The following GALNT18 variants were observed in gnomAD, a reference collection of about 807,000 sequenced individuals.
GALNT18 encodes the protein polypeptide N-acetylgalactosaminyltransferase 18.
A neutral mutation model predicts 69.5 loss-of-function variants in GALNT18; 44 were observed. The ratio of observed to expected loss-of-function variants is 0.63; its 90% confidence interval spans 0.50 to 0.81. The LOEUF (loss-of-function observed/expected upper bound fraction) is 0.81, where lower values mean the gene tolerates loss of function less well. Among genes scored for constraint, GALNT18 ranks in the 40% least tolerant of loss-of-function variants. The probability of loss-of-function intolerance (pLI) is 0.00; values close to 1 mark genes in which losing one functional copy is unlikely to be tolerated. For synonymous variants in GALNT18, 364 were observed against 318.2 expected, an observed-to-expected ratio of 1.14 and a Z score of -1.53; for missense variants, 715 against 810.0, an observed-to-expected ratio of 0.88 and a Z score of 1.42.
In GALNT18 at chr11:11,586,204, C is replaced by T. The variant is rs1236858735; in HGVS notation, c.235+35155G>A. Among the ~76,000 whole-genome samples the T allele has an allele frequency of 6.6e-6, 1 of 152,148 alleles. No individual in the cohort carries two copies. The highest frequency in any genetic ancestry group is 2.4e-5 in the African/African-American group (1 of 41,428). ...TTATAGCAGTCTGAATGGACTAAAA[C>T]AAATTGTACCAAGAGTCTGTAGTTC... On this transcript the variant is annotated intron_variant, in intron 1 of 10. Coordinates refer to ENST00000227756, the MANE Select transcript of GALNT18 (RefSeq NM_198516.3). This position sits in a 1 kb window ranked among gnomAD's most constrained non-coding sequence, Gnocchi z 4.1.
intron 9 of GALNT18, among the ~76,000 whole-genome samples, chr11:11,313,572 G>A (rs1168499409): frequency 6.6e-6 from 1 of 152,148 alleles, no homozygotes; most frequent in African/African-American, 2.4e-5. Flanking sequence ...CCCTGTGATG[G>A]CTTATTGTTC....
chr11:11,554,740 G>A (rs1858286832), intron 1 of GALNT18, among the ~76,000 whole-genome samples: 1 of 152,136 alleles, frequency 6.6e-6, no homozygotes, highest in South Asian at 2.1e-4. Context: ...TGGAAGAAGT[G>A]TGGCTGATTC....
chr11:11,427,911 C>T (rs763623823), intron 3 of GALNT18, among the ~76,000 whole-genome samples: 3 of 152,162 alleles, frequency 2.0e-5, no homozygotes, highest in Admixed American at 6.5e-5. Flanking sequence ...ATGTCCCCAT[C>T]GTGGCACATG....
rs1482582400 is a variant in GALNT18, at chr11:11,564,518, C to T, written c.235+56841G>A. ...CCCACGGCCCTATGCATTTTATCTG[C>T]CTTATTTGAGGGCTGAAAGAGTCAT... is the stretch of plus-strand genomic sequence containing the variant. On this transcript the variant is annotated intron_variant, in intron 1 of 10. Transcript: ENST00000227756. The surrounding 1 kb of genome is among the most constrained non-coding windows in gnomAD (Gnocchi z 4.3). 6.6e-6 allele frequency among the ~76,000 whole-genome samples: 1 copy of T among 152,176 alleles called. No homozygotes were observed. Among genetic ancestry groups the T allele is most frequent in the Admixed American group, 6.5e-5 (1 of 15,280 alleles).
intron 2 of GALNT18, among the ~76,000 whole-genome samples, chr11:11,443,780 T>C (rs1855584772): frequency 6.6e-6 from 1 of 152,352 alleles, no homozygotes; most frequent in Non-Finnish European, 1.5e-5. Context: ...CAGAGGAGTC[T>C]GAAGTGTCCT....
At chr11:11,390,566 T>A (rs935331756) in intron 3 of GALNT18, among the ~76,000 whole-genome samples, 1 of 152,174 alleles carries the variant, frequency 6.6e-6, no homozygotes, top group Non-Finnish European at 1.5e-5. Context: ...CTGCTCAGGC[T>A]GTGTGACCAG....
intron 1 of GALNT18, among the ~76,000 whole-genome samples, chr11:11,581,104 G>A (rs369589565): frequency 5.3e-5 from 8 of 152,186 alleles, no homozygotes; most frequent in Admixed American, 2.6e-4. Flanking sequence ...GAGAGAAGCC[G>A]GCTTGCTGAG....
In GALNT18 at chr11:11,279,353, A is replaced by T. The variant is rs140645194; in HGVS notation, c.1678-8063T>A. Among the ~76,000 whole-genome samples the T allele has an allele frequency of 4.9e-3, 742 of 152,328 alleles. 8 individuals are homozygous for T. The highest frequency in any genetic ancestry group is 0.017 in the African/African-American group (690 of 41,570). The stretch of plus-strand genomic sequence containing the variant: ...TTAAAAAAATTTAAGACTAAAAAAA[A>T]ACTTCAGTTCTTACAACTGTTGAAA... On this transcript the variant is annotated intron_variant, in intron 10 of 10. Transcript: ENST00000227756.
At chr11:11,577,030 G>A (rs914604644) in intron 1 of GALNT18, among the ~76,000 whole-genome samples, 1 of 152,170 alleles carries the variant, frequency 6.6e-6, no homozygotes, top group Non-Finnish European at 1.5e-5. Flanking sequence ...CTGTCAGACT[G>A]TCACCTCGAT....
intron 9 of GALNT18, among the ~76,000 whole-genome samples, chr11:11,311,805 C>T (rs1490126564): frequency 6.6e-6 from 1 of 152,216 alleles, no homozygotes; most frequent in African/African-American, 2.4e-5. Flanking sequence ...TGACTAATAA[C>T]AACTAATACT....
At chr11:11,579,880 G>A (rs1409731284) in intron 1 of GALNT18, among the ~76,000 whole-genome samples, 1 of 152,168 alleles carries the variant, frequency 6.6e-6, no homozygotes, top group Non-Finnish European at 1.5e-5. Context: ...TGAACATTCT[G>A]TAGTCAACCT....
intron 1 of GALNT18, among the ~76,000 whole-genome samples, chr11:11,456,603 T>A (rs1361220170): frequency 6.6e-6 from 1 of 152,196 alleles, no homozygotes; most frequent in Non-Finnish European, 1.5e-5. Context: ...CTAGGCTGTG[T>A]TGAGCATTCC....
At chr11:11,578,252 G>A (rs1158057210) in intron 1 of GALNT18, among the ~76,000 whole-genome samples, 1 of 151,500 alleles carries the variant, frequency 6.6e-6, no homozygotes, top group Non-Finnish European at 1.5e-5. Context: ...ACAAGGATCT[G>A]GGGCTGACGC....
rs1481686427 is a variant in GALNT18 at position 11,461,827 on chromosome 11, G to T, written c.236-12891C>A. ...CCTGCAGCCCAGAACAATGCCAGACGCCATGACTCCTTTCAAGGCTCTGCT... is the reference window on the plus strand; with the variant it reads ...CCTGCAGCCCAGAACAATGCCAGACTCCATGACTCCTTTCAAGGCTCTGCT... On this transcript the variant is annotated intron_variant, in intron 1 of 10. Transcript: ENST00000227756. This position sits in a 1 kb window ranked among gnomAD's most constrained non-coding sequence, Gnocchi z 4.1. Among the ~76,000 whole-genome samples, 2 of 152,214 alleles carry T rather than the reference G, an allele frequency of 1.3e-5. No individual in the cohort carries two copies. Among genetic ancestry groups the T allele is most frequent in the African/African-American group, 2.4e-5 (1 of 41,450 alleles).
At chr11:11,427,500 G>A (rs1016031377) in intron 3 of GALNT18, among the ~76,000 whole-genome samples, 8 of 152,120 alleles carry the variant, frequency 5.3e-5, no homozygotes, top group African/African-American at 9.7e-5. Flanking sequence ...GGCTCTGCTC[G>A]GCTGAGTAAT....
rs75048537 is a variant in GALNT18, at chr11:11,304,862, G to A, written c.1513-11669C>T. On this transcript the variant is annotated intron_variant, in intron 9 of 10. Coordinates refer to ENST00000227756, the MANE Select transcript of GALNT18 (RefSeq NM_198516.3). ...CACTGGACCTGCAGCATCCTGGAAA[G>A]GAGCTGCCCCTTTGGCCCTAGAAAA... Among the ~76,000 whole-genome samples, 584 of 152,336 alleles carry A rather than the reference G, an allele frequency of 3.8e-3. 1 individual carries two copies. The highest frequency in any genetic ancestry group is 0.013 in the African/African-American group (551 of 41,580).
At chr11:11,568,852 A>C (rs1858715359) in intron 1 of GALNT18, among the ~76,000 whole-genome samples, 2 of 152,206 alleles carry the variant, frequency 1.3e-5, no homozygotes, top group Admixed American at 1.3e-4. Flanking sequence ...CTGAGATGAG[A>C]AGAAGCCTGT....
At chr11:11,303,634 G>C (rs969906106) in intron 9 of GALNT18, among the ~76,000 whole-genome samples, 1 of 151,976 alleles carries the variant, frequency 6.6e-6, no homozygotes, top group Admixed American at 6.6e-5. Flanking sequence ...ATACACACCA[G>C]ACTTGGTGCT....
rs80056220 is a variant in GALNT18 at position 11,442,821 on chromosome 11, G to C, written c.428+5923C>G. Among the ~76,000 whole-genome samples, 196 of 152,316 alleles carry C rather than the reference G, an allele frequency of 1.3e-3. 1 individual carries two copies. The highest frequency in any genetic ancestry group is 4.5e-3 in the African/African-American group (189 of 41,572). On this transcript the variant is annotated intron_variant, in intron 2 of 10. Coordinates refer to ENST00000227756, the MANE Select transcript of GALNT18 (RefSeq NM_198516.3). ...ACCCACCTGTCAAACCCAAGAGCCAGTCCATCCTAACCCCTGGGAGGGAGG... is the reference window on the plus strand; with the variant it reads ...ACCCACCTGTCAAACCCAAGAGCCACTCCATCCTAACCCCTGGGAGGGAGG...
Sources: allele counts gnomAD v4.1 joint callset (sites outside exome capture counted in the v4.1 genomes callset), GRCh38; gene constraint gnomAD v4.1.1; non-coding constraint Gnocchi (gnomAD v3.1); transcripts MANE v1.5; gene names NCBI Gene and HGNC (gene_info 2026-07-23, HGNC 2026-07-21).